Variants in CACNA1B observed in about 807,000 individuals in gnomAD.
The protein encoded by CACNA1B is voltage-dependent N-type calcium channel subunit alpha-1B.
A neutral mutation model predicts 247.2 loss-of-function variants in CACNA1B; 70 were observed. That is an observed-to-expected ratio of 0.28 (90% CI 0.23 to 0.35). The LOEUF (loss-of-function observed/expected upper bound fraction) is 0.35, where lower values mean the gene tolerates loss of function less well. Ranked by LOEUF, CACNA1B falls within the 10% of genes least tolerant of loss-of-function variation. The pLI is 1.00. For synonymous variants in CACNA1B, 1,231 were observed against 1,294.4 expected (o/e 0.95, Z 1.05); for missense variants, 2,367 against 3,197.4 (o/e 0.74, Z 6.26).
chr9:137,934,464 G>A (rs1386489850), intron 6 of CACNA1B, among the ~76,000 whole-genome samples: 1 of 152,250 alleles, frequency 6.6e-6, no homozygotes, highest in Non-Finnish European at 1.5e-5. Flanking sequence ...GATGGCCAGA[G>A]CAGCCTGTGG....
chr9:138,101,885 C>T (rs1961263786), intron 37 of CACNA1B, among the ~76,000 whole-genome samples: 1 of 152,238 alleles, frequency 6.6e-6, no homozygotes, highest in Non-Finnish European at 1.5e-5. Flanking sequence ...TGGAGGTAGG[C>T]CCCAGGCCTC....
intron 10 of CACNA1B, among the ~76,000 whole-genome samples, chr9:137,967,893 GT>G (rs1428659241): frequency 2.0e-5 from 3 of 152,118 alleles, no homozygotes; most frequent in African/African-American, 7.2e-5. Flanking sequence ...GTTTCACGTG[GT>G]GTTGCTTGCT....
chr9:138,108,864 T>C (rs777932019), intron 39 of CACNA1B, among the ~76,000 whole-genome samples: 2 of 152,232 alleles, frequency 1.3e-5, no homozygotes, highest in Non-Finnish European at 2.9e-5. Flanking sequence ...TTAGCCAGGA[T>C]GGTCTCCATC....
intron 36 of CACNA1B, among the ~76,000 whole-genome samples, chr9:138,093,103 C>T (rs566583613): frequency 6.7e-4 from 102 of 151,940 alleles, no homozygotes; most frequent in African/African-American, 2.4e-3. Flanking sequence ...ATTGGTATTA[C>T]TAAAGAAAAA....
chr9:137,974,713 G>A lies in CACNA1B; in HGVS notation c.1544-1194G>A, dbSNP rs1038277437. Reference sequence around the variant, plus strand: ...AAGTTGTGTCTGCTGAAGGTCCCGTGTCCCAACAGAGACTGTAGAGGGGGA... The same window carrying A: ...AAGTTGTGTCTGCTGAAGGTCCCGTATCCCAACAGAGACTGTAGAGGGGGA... On this transcript the variant is annotated intron_variant, in intron 11 of 46. Coordinates refer to ENST00000371372, the MANE Select transcript of CACNA1B (RefSeq NM_000718.4). The surrounding 1 kb of genome is among the most constrained non-coding windows in gnomAD (Gnocchi z 4.5). Among the ~76,000 whole-genome samples the A allele has an allele frequency of 2.6e-5, 4 of 152,188 alleles. No individual in the cohort carries two copies. Among genetic ancestry groups the A allele is most frequent in the African/African-American group, 9.6e-5 (4 of 41,466 alleles).
chr9:138,075,552 C>G (rs1315368282), intron 34 of CACNA1B, among the ~76,000 whole-genome samples: 1 of 152,232 alleles, frequency 6.6e-6, no homozygotes, highest in African/African-American at 2.4e-5. Context: ...GCCTCACAAA[C>G]TTAGCTCGGG....
At position 138,047,011 on chromosome 9, in the gene CACNA1B, G is replaced by A. The variant is rs200292544; in HGVS notation, c.3521G>A (p.Arg1174His). 9.9e-6 allele frequency: 16 copies of A among 1,612,296 alleles called. No homozygotes were observed. Among genetic ancestry groups the A allele is most frequent in the Admixed American group, 1.7e-5 (1 of 59,908 alleles). The change falls in exon 22 of 47, where the codon CGC becomes CAC. Residue 1174 changes from arginine to histidine, a missense_variant. Coordinates refer to ENST00000371372, the MANE Select transcript of CACNA1B (RefSeq NM_000718.4). ...SIALAAEDPV[R>H]TDSPRNNALK... The stretch of plus-strand genomic sequence containing the variant: ...GCCCTGGCTGCTGAGGACCCAGTGC[G>A]CACAGACTCGCCCAGGAACAACGTG...
chr9:138,101,136 T>C, intron 37 of CACNA1B: 1 of 533,266 alleles, frequency 1.9e-6, no homozygotes, highest in Non-Finnish European at 3.8e-6. Flanking sequence ...ATGTACAGTT[T>C]GTTGCGTTGT....
intron 15 of CACNA1B, among the ~76,000 whole-genome samples, chr9:137,994,426 T>C (rs1958472370): frequency 1.3e-5 from 2 of 152,246 alleles, no homozygotes; most frequent in African/African-American, 4.8e-5. Context: ...TGTTTGCCGA[T>C]GATATGATTA....
intron 18 of CACNA1B, among the ~76,000 whole-genome samples, chr9:138,022,735 G>A (rs1958860822): frequency 1.3e-5 from 2 of 149,906 alleles, no homozygotes; most frequent in Admixed American, 1.3e-4. Context: ...GTACCCCTCG[G>A]CCTCCTTGAG....
Position 137,914,717 on chromosome 9 carries a change from TTC to T in CACNA1B, c.690_691del (p.Phe231LeufsTer34), listed in dbSNP as rs1481945492. The T allele has an allele frequency of 6.2e-7, 1 of 1,614,032 alleles. No homozygotes were observed. The highest frequency in any genetic ancestry group is 8.5e-7 in the Non-Finnish European group (1 of 1,179,890). ...GTTCCACTCCTGCAGATTGGGCTGC[TTC>T]TCTTCTTTGCCATCCTCATGTTTGC... On this transcript the variant is annotated frameshift_variant, in exon 5 of 47. Transcript: ENST00000371372. LOFTEE classifies it high-confidence loss of function. The surrounding 1 kb of genome is among the most constrained non-coding windows in gnomAD (Gnocchi z 4.3).
Position 138,023,041 on chromosome 9 carries a change from G to C in CACNA1B, c.2298G>C (p.Ser766=), listed in dbSNP as rs201422396. The C allele has an allele frequency of 1.6e-4, 247 of 1,525,606 alleles. No homozygotes were observed. Among genetic ancestry groups the C allele is most frequent in the Admixed American group, 4.6e-4 (23 of 50,530 alleles). 94.5% of individuals were successfully genotyped at this position (1,525,606 alleles called of 1,614,324 possible). The part of the protein sequence containing the change: ...ARQQNSAKAR[S]VWEQRASQLR... Reference sequence around the variant, plus strand: ...AGCAGAACTCGGCCAAGGCGCGCTCGGTGTGGGAGCAGCGGGCCAGCCAGC... The same window carrying C: ...AGCAGAACTCGGCCAAGGCGCGCTCCGTGTGGGAGCAGCGGGCCAGCCAGC... The change falls in exon 19 of 47, where the codon TCG becomes TCC. Residue 766 remains serine (S), a synonymous_variant. Transcript: ENST00000371372.
chr9:138,043,923 G>A (rs1959164326), intron 21 of CACNA1B, 23 bp downstream of exon 21: 3 of 1,608,910 alleles, frequency 1.9e-6, no homozygotes, highest in Non-Finnish European at 1.7e-6. Context: ...GCCTGCTGGT[G>A]TGTGTGGCCG....
intron 3 of CACNA1B, among the ~76,000 whole-genome samples, chr9:137,903,247 A>G (rs560986256): frequency 7.6e-4 from 115 of 152,202 alleles, no homozygotes; most frequent in African/African-American, 2.6e-3. Flanking sequence ...TTAGCCAGGC[A>G]TGGTGGTGCG....
At position 138,112,141 on chromosome 9, in the gene CACNA1B, G is replaced by T. The variant is rs181770675; in HGVS notation, c.5429-257G>T. Among the ~76,000 whole-genome samples, 330 of 152,296 alleles carry T rather than the reference G, an allele frequency of 2.2e-3. 2 individuals carry two copies. The highest frequency in any genetic ancestry group is 3.6e-3 in the Admixed American group (55 of 15,292). On this transcript the variant is annotated intron_variant, in intron 39 of 46. Transcript: ENST00000371372. The stretch of plus-strand genomic sequence containing the variant: ...AGTGCACATGCATGCACACACGTCG[G>T]ACACACACGTGTGCACATGAGGTGG...
At chr9:138,112,340 G>A in intron 39 of CACNA1B, 58 bp from the exon 40 acceptor site, 1 of 1,280,978 alleles carries the variant, frequency 7.8e-7, no homozygotes, top group Admixed American at 1.8e-5. Context: ...ATTGGCGGCT[G>A]CAGGGCTGCT....
chr9:137,960,471 CCAGGAGA>C, intron 10 of CACNA1B, among the ~76,000 whole-genome samples: 1 of 18,294 alleles, frequency 5.5e-5, no homozygotes, highest in South Asian at 2.1e-3. Context: ...TGAAGGACAC[CCAGGAGA>C]GGGGAGATGC....
In CACNA1B at chr9:137,952,698, G is replaced by A. The variant is rs1957892320; in HGVS notation, c.1070+321G>A. On this transcript the variant is annotated intron_variant, in intron 7 of 46. Coordinates refer to ENST00000371372, the MANE Select transcript of CACNA1B (RefSeq NM_000718.4). This position sits in a 1 kb window ranked among gnomAD's most constrained non-coding sequence, Gnocchi z 4.8. Reference sequence around the variant, plus strand: ...AGGTTGGTCTGGGGGGATGGGAGGTGTGGTCTGTAATGGGAGGTTGGTCTG... The same window carrying A: ...AGGTTGGTCTGGGGGGATGGGAGGTATGGTCTGTAATGGGAGGTTGGTCTG... Among the ~76,000 whole-genome samples the A allele has an allele frequency of 6.7e-6, 1 of 150,330 alleles. No homozygotes were observed. Among genetic ancestry groups the A allele is most frequent in the Non-Finnish European group, 1.5e-5 (1 of 67,832 alleles).
intron 39 of CACNA1B, among the ~76,000 whole-genome samples, chr9:138,108,110 G>A (rs1961498152): frequency 6.6e-6 from 1 of 151,420 alleles, no homozygotes; most frequent in Admixed American, 6.6e-5. Context: ...GTTGAGGGAG[G>A]AGGATCACTT....
Sources: allele counts gnomAD v4.1 joint callset (sites outside exome capture counted in the v4.1 genomes callset), GRCh38; gene constraint gnomAD v4.1.1; non-coding constraint Gnocchi (gnomAD v3.1); transcripts MANE v1.5; gene names NCBI Gene and HGNC (gene_info 2026-07-23, HGNC 2026-07-21).